RBFOX1: variants seen among roughly 807,000 people sequenced by gnomAD.
The protein encoded by RBFOX1 is RNA binding protein fox-1 homolog 1.
A neutral mutation model predicts 57.7 loss-of-function variants in RBFOX1; 8 were observed. The ratio of observed to expected loss-of-function variants is 0.14; its 90% CI spans 0.08 to 0.25. The LOEUF (loss-of-function observed/expected upper bound fraction) is 0.25. Ranked by LOEUF, RBFOX1 falls within the 10% of genes least tolerant of loss-of-function variation. The pLI is 1.00. For synonymous variants in RBFOX1, 326 were observed against 222.4 expected, an observed-to-expected ratio of 1.47 and a Z score of -4.15; for missense variants, 611 against 548.5, an observed-to-expected ratio of 1.11 and a Z score of -1.14.
At chr16:6,906,212 A>G (rs1051383801) in intron 3 of RBFOX1, among the ~76,000 whole-genome samples, 4 of 150,970 alleles carry the variant, frequency 2.6e-5, no homozygotes, top group Admixed American at 6.6e-5. Flanking sequence ...TGCCCATCCT[A>G]TGGGCAACCC....
chr16:7,504,739 A>ATATATATATT (rs2072372539), intron 4 of RBFOX1, among the ~76,000 whole-genome samples: 2 of 7,932 alleles, frequency 2.5e-4, no homozygotes, highest in African/African-American at 5.2e-4. Context: ...ATATATATAT[A>ATATATATATT]TATATATATA....
At chr16:6,579,623 T>C (rs1311112529) in intron 2 of RBFOX1, among the ~76,000 whole-genome samples, 1 of 152,180 alleles carries the variant, frequency 6.6e-6, no homozygotes, top group Non-Finnish European at 1.5e-5. Context: ...TCCGCCACGA[T>C]TAGAAGTGTT....
At chr16:6,823,175 G>C (rs1186268071) in intron 3 of RBFOX1, among the ~76,000 whole-genome samples, 2 of 152,034 alleles carry the variant, frequency 1.3e-5, no homozygotes, top group African/African-American at 4.8e-5. Flanking sequence ...AGTGATTAGG[G>C]AGCCTGTGTT....
chr16:6,967,883 A>T (rs977108269), intron 3 of RBFOX1, among the ~76,000 whole-genome samples: 3 of 152,132 alleles, frequency 2.0e-5, no homozygotes, highest in African/African-American at 7.2e-5. Flanking sequence ...AGTCTGAAAA[A>T]AGATGCCCCA....
At chr16:7,665,157 G>A (rs944811853) in intron 13 of RBFOX1, among the ~76,000 whole-genome samples, 189 bp downstream of exon 13, 1 of 152,124 alleles carries the variant, frequency 6.6e-6, no homozygotes, top group African/African-American at 2.4e-5. Context: ...ATCACTGGCT[G>A]TTTAGTGGGG....
intron 4 of RBFOX1, among the ~76,000 whole-genome samples, chr16:7,053,035 G>T (rs964477474): frequency 1.2e-4 from 18 of 152,164 alleles, no homozygotes; most frequent in African/African-American, 4.1e-4. Flanking sequence ...TAATAAATAA[G>T]CATAATGTAT....
At chr16:7,242,495 C>G (rs548916947) in intron 4 of RBFOX1, among the ~76,000 whole-genome samples, 2 of 152,206 alleles carry the variant, frequency 1.3e-5, no homozygotes, top group East Asian at 1.9e-4. Flanking sequence ...TACAGTGTAC[C>G]TCCCCCTGCA....
chr16:5,899,644 C>G (rs1053380665), intron 4 of RBFOX1, among the ~76,000 whole-genome samples: 5 of 152,138 alleles, frequency 3.3e-5, no homozygotes, highest in African/African-American at 4.8e-5. Context: ...GGTCAAAACC[C>G]CTCCCTGGTG....
intron 2 of RBFOX1, among the ~76,000 whole-genome samples, chr16:5,531,420 C>A (rs201010183): frequency 1.3e-5 from 2 of 152,292 alleles, no homozygotes; most frequent in Non-Finnish European, 2.9e-5. Flanking sequence ...TGAGAACTCA[C>A]AAAGGCTTAG....
rs2062625947 is a variant in RBFOX1, at chr16:5,257,768, G to C, written c.219+17663G>C. ...ACGCTTCCCTCCCTGCCCATTCCTT[G>C]TGTGTTGTACTTTGTCTCGACTTCC... On this transcript the variant is annotated intron_variant, in intron 1 of 2. Coordinates refer to the RBFOX1 transcript ENST00000585867. Among the ~76,000 whole-genome samples the C allele has an allele frequency of 2.6e-5, 4 of 152,088 alleles. No homozygotes were observed. In the South Asian group the frequency reaches 8.3e-4, roughly 32 times the overall value.
At chr16:7,545,396 G>A (rs1028243658) in intron 5 of RBFOX1, among the ~76,000 whole-genome samples, 1 of 152,006 alleles carries the variant, frequency 6.6e-6, no homozygotes, top group Non-Finnish European at 1.5e-5. Context: ...ATATTCTTCG[G>A]GGGGCTTTGA....
At chr16:6,225,530 C>T (rs17139596) in intron 1 of RBFOX1, among the ~76,000 whole-genome samples, 28,891 of 152,016 alleles carry the variant, frequency 0.19, 3,337 homozygotes, top group East Asian at 0.32. Context: ...TCAATCCTTT[C>T]CCCCAGGGTT....
intron 2 of RBFOX1, among the ~76,000 whole-genome samples, chr16:6,494,999 C>T (rs941804704): frequency 6.6e-6 from 1 of 152,164 alleles, no homozygotes; most frequent in Non-Finnish European, 1.5e-5. Context: ...ACACCAAGCA[C>T]AAAATGGTTA....
At chr16:7,374,092 C>T (rs1470891902) in intron 4 of RBFOX1, among the ~76,000 whole-genome samples, 2 of 152,176 alleles carry the variant, frequency 1.3e-5, no homozygotes, top group South Asian at 2.1e-4. Flanking sequence ...GTGAGCTTTT[C>T]TGCAGCTCTG....
At chr16:7,069,489 C>T (rs943131037) in intron 4 of RBFOX1, among the ~76,000 whole-genome samples, 2 of 152,156 alleles carry the variant, frequency 1.3e-5, no homozygotes, top group African/African-American at 2.4e-5. Context: ...AGGATAATGG[C>T]TTCCAGCTTC....
intron 4 of RBFOX1, among the ~76,000 whole-genome samples, chr16:7,130,432 A>C (rs1214034000): frequency 6.6e-6 from 1 of 152,202 alleles, no homozygotes. Flanking sequence ...TACACTTAAC[A>C]CTTTTGTGAA....
intron 1 of RBFOX1, among the ~76,000 whole-genome samples, chr16:5,287,921 C>G (rs1274495878): frequency 6.6e-6 from 1 of 152,200 alleles, no homozygotes; most frequent in Non-Finnish European, 1.5e-5. Context: ...TAATCATCCG[C>G]AACCCTCTAA....
intron 2 of RBFOX1, among the ~76,000 whole-genome samples, chr16:6,540,527 G>A (rs1436563605): frequency 2.1e-5 from 3 of 143,970 alleles, no homozygotes; most frequent in African/African-American, 5.2e-5. Flanking sequence ...CAGGAAAATC[G>A]CTTGAACCTG....
intron 3 of RBFOX1, among the ~76,000 whole-genome samples, chr16:6,802,749 C>T (rs1380873352): frequency 6.6e-6 from 1 of 152,158 alleles, no homozygotes; most frequent in Non-Finnish European, 1.5e-5. Flanking sequence ...AAGCCATTCC[C>T]CCACGTTGTT....
Sources: allele counts gnomAD v4.1 joint callset (sites outside exome capture counted in the v4.1 genomes callset), GRCh38; gene constraint gnomAD v4.1.1; transcripts MANE v1.5; gene names NCBI Gene and HGNC (gene_info 2026-07-23, HGNC 2026-07-21).